Variants in CDH4 observed in about 807,000 individuals in gnomAD.
CDH4 encodes the protein cadherin 4.
CDH4 carries 33 observed loss-of-function variants against 86.0 expected under a neutral mutation model. The ratio of observed to expected loss-of-function variants is 0.38; its 90% CI spans 0.29 to 0.51. The LOEUF (loss-of-function observed/expected upper bound fraction) is 0.51, where lower values mean the gene tolerates loss of function less well. Among genes scored for constraint, CDH4 ranks in the 20% least tolerant of loss-of-function variants. The pLI is 0.86. For missense variants in CDH4, 1,114 were observed against 1,307.4 expected (o/e 0.85, Z 2.28); for synonymous variants, 555 against 549.4 (o/e 1.01, Z -0.14).
chr20:61,623,629 C>T lies in CDH4; in HGVS notation c.170-119934C>T, dbSNP rs2086799379. On this transcript the variant is annotated intron_variant, in intron 2 of 15. Coordinates refer to ENST00000614565, the MANE Select transcript of CDH4 (RefSeq NM_001794.5). This position sits in a 1 kb window ranked among gnomAD's most constrained non-coding sequence, Gnocchi z 4.4. ...ACATGAGCATCATTCGTGCAAAGTG[C>T]ATCACAGCTGATTCTGAGGGAGGTT... 1.3e-5 allele frequency among the ~76,000 whole-genome samples: 2 copies of T among 152,176 alleles called. No individual in the cohort carries two copies. Among genetic ancestry groups the T allele is most frequent in the African/African-American group, 4.8e-5 (2 of 41,438 alleles).
rs566261671 is a variant in CDH4 at position 61,577,818 on chromosome 20, T to C, written c.170-165745T>C. Among the ~76,000 whole-genome samples, 4 of 152,336 alleles carry C rather than the reference T, an allele frequency of 2.6e-5. No homozygotes were observed. In the East Asian group the frequency reaches 7.7e-4, roughly 29 times the overall value. ...ATGCTGATGCTCAATACCAAGACTATGTCTTGACATAATGAACATTTCTGA... is the reference window on the plus strand; with the variant it reads ...ATGCTGATGCTCAATACCAAGACTACGTCTTGACATAATGAACATTTCTGA... On this transcript the variant is annotated intron_variant, in intron 2 of 15. Transcript: ENST00000614565.
chr20:61,712,816 A>G (rs2087907765), intron 2 of CDH4, among the ~76,000 whole-genome samples: 1 of 152,146 alleles, frequency 6.6e-6, no homozygotes, highest in South Asian at 2.1e-4. Context: ...AGCTGGCCCC[A>G]TGCCCTGGGC....
chr20:61,728,840 C>A (rs570647001), intron 2 of CDH4, among the ~76,000 whole-genome samples: 1 of 152,154 alleles, frequency 6.6e-6, no homozygotes, highest in Non-Finnish European at 1.5e-5. Flanking sequence ...TTCTCCACAC[C>A]GTTAAATGGA....
chr20:61,673,806 G>A (rs761072391), intron 2 of CDH4, among the ~76,000 whole-genome samples: 5 of 152,260 alleles, frequency 3.3e-5, no homozygotes, highest in South Asian at 2.1e-4. Flanking sequence ...AAATTACCTC[G>A]CTGCTAAGGG....
At chr20:61,328,521 C>G (rs1002145328) in intron 2 of CDH4, among the ~76,000 whole-genome samples, 5 of 152,228 alleles carry the variant, frequency 3.3e-5, no homozygotes, top group African/African-American at 1.2e-4. Flanking sequence ...CAGTGGCTCA[C>G]ACCTGTAATC....
chr20:61,836,905 G>T (rs1034424308), intron 4 of CDH4, among the ~76,000 whole-genome samples: 1 of 152,206 alleles, frequency 6.6e-6, no homozygotes, highest in East Asian at 1.9e-4. Flanking sequence ...TAAAAGTGGG[G>T]GTAGGGGGTC....
intron 7 of CDH4, among the ~76,000 whole-genome samples, chr20:61,890,010 T>A (rs1384188023): frequency 6.7e-6 from 1 of 148,986 alleles, no homozygotes; most frequent in East Asian, 2.1e-4. Flanking sequence ...GATGGGTGGA[T>A]GGATCAATGA....
chr20:61,621,236 A>G (rs565794838), intron 2 of CDH4, among the ~76,000 whole-genome samples: 1 of 152,202 alleles, frequency 6.6e-6, no homozygotes, highest in African/African-American at 2.4e-5. Flanking sequence ...GCCGGCTGCT[A>G]GTGTTGGCTA....
At chr20:61,586,062 G>T (rs1447460785) in intron 2 of CDH4, among the ~76,000 whole-genome samples, 1 of 151,506 alleles carries the variant, frequency 6.6e-6, no homozygotes, top group African/African-American at 2.4e-5. Flanking sequence ...GATGGTGATG[G>T]TGGTGATGGG....
At chr20:61,586,884 C>T (rs1287026711) in intron 2 of CDH4, among the ~76,000 whole-genome samples, 1 of 152,192 alleles carries the variant, frequency 6.6e-6, no homozygotes, top group Non-Finnish European at 1.5e-5. Flanking sequence ...TTTAATTTAT[C>T]ATTCCATAAA....
rs184985860 is a variant in CDH4, at chr20:61,362,465, A to G, written c.169+107528A>G. Among the ~76,000 whole-genome samples, 47 of 148,698 alleles carry G rather than the reference A, an allele frequency of 3.2e-4. 1 individual carries two copies. The highest frequency in any genetic ancestry group is 3.0e-3 in the East Asian group (15 of 4,948). Reference sequence around the variant, plus strand: ...GGAGAGTGGAGACGTGGCCTAGGACAGCGTAGGGGAGAGCAGAGACATGGC... The same window carrying G: ...GGAGAGTGGAGACGTGGCCTAGGACGGCGTAGGGGAGAGCAGAGACATGGC... On this transcript the variant is annotated intron_variant, in intron 2 of 15. Coordinates refer to ENST00000614565, the MANE Select transcript of CDH4 (RefSeq NM_001794.5).
At chr20:61,917,449 C>T (rs2054915955) in intron 9 of CDH4, among the ~76,000 whole-genome samples, 1 of 152,284 alleles carries the variant, frequency 6.6e-6, no homozygotes, top group Non-Finnish European at 1.5e-5. Context: ...CTGCCACTTC[C>T]CCTTCGGGCA....
intron 2 of CDH4, among the ~76,000 whole-genome samples, chr20:61,672,793 A>G (rs2087405183): frequency 6.6e-6 from 1 of 152,136 alleles, no homozygotes; most frequent in Non-Finnish European, 1.5e-5. Context: ...ACGGGGCTCA[A>G]GGACTGGGGC....
chr20:61,850,564 C>A (rs1034166519), intron 5 of CDH4, among the ~76,000 whole-genome samples: 7 of 152,380 alleles, frequency 4.6e-5, no homozygotes, highest in Middle Eastern at 3.4e-3. Flanking sequence ...CCCCGAGCGC[C>A]TTCCCGCCCC....
chr20:61,844,965 G>A (rs1038779564), intron 5 of CDH4, 142 bp downstream of exon 5: 1 of 854,482 alleles, frequency 1.2e-6, no homozygotes, highest in Non-Finnish European at 1.7e-6. Flanking sequence ...GCAGAATCCT[G>A]GGAAGCTGGG....
chr20:61,283,396 C>G (rs1287290429), intron 2 of CDH4, among the ~76,000 whole-genome samples: 5 of 150,120 alleles, frequency 3.3e-5, no homozygotes, highest in African/African-American at 1.2e-4. Flanking sequence ...CACGCGTGTG[C>G]TGTGGCGTGT....
rs571344617 is a variant in CDH4 at position 61,570,943 on chromosome 20, G to A, written c.170-172620G>A. Among the ~76,000 whole-genome samples, 3 of 152,320 alleles carry A rather than the reference G, an allele frequency of 2.0e-5. No individual in the cohort carries two copies. The South Asian group carries it at 6.2e-4, about 32-fold the overall frequency. On this transcript the variant is annotated intron_variant, in intron 2 of 15. Coordinates refer to ENST00000614565, the MANE Select transcript of CDH4 (RefSeq NM_001794.5). ...GGCGCTTAAGTAGGTCTGTGTGGGT[G>A]CAGGGCTGCAGGGAGGCAGTACATT... is the stretch of plus-strand genomic sequence containing the variant.
intron 2 of CDH4, among the ~76,000 whole-genome samples, chr20:61,364,545 G>C (rs994706486): frequency 6.6e-6 from 1 of 152,194 alleles, no homozygotes; most frequent in Non-Finnish European, 1.5e-5. Context: ...CAGGAGGGGG[G>C]TTCCAAGTGG....
chr20:61,814,073 C>T (rs138169996), intron 4 of CDH4, among the ~76,000 whole-genome samples: 6 of 152,292 alleles, frequency 3.9e-5, no homozygotes, highest in East Asian at 1.9e-4. Flanking sequence ...CCCCAGGTGC[C>T]GGGCCCATGT....
Sources: gnomAD v4.1 joint callset for allele counts (sites outside exome capture counted in the v4.1 genomes callset) on GRCh38, gnomAD v4.1.1 for gene constraint, Gnocchi (gnomAD v3.1) non-coding constraint, MANE v1.5 for transcripts, NCBI Gene and HGNC (gene_info 2026-07-23, HGNC 2026-07-21) for gene names.